The following RFC3 variants were observed in gnomAD, a reference collection of about 807,000 sequenced individuals.
RFC3 encodes replication factor C subunit 3, also known as A1 38 kDa subunit.
A neutral mutation model predicts 45.1 loss-of-function variants in RFC3; 41 were observed. The observed-to-expected ratio is 0.91, with a 90% confidence interval of 0.71 to 1.18. The LOEUF (loss-of-function observed/expected upper bound fraction) is 1.18. RFC3 is among the 50% of genes most tolerant of loss of function. The pLI is 0.00. For synonymous variants in RFC3, 149 were observed against 144.0 expected, an observed-to-expected ratio of 1.03 and a Z score of -0.25; for missense variants, 423 against 428.1, an observed-to-expected ratio of 0.99 and a Z score of 0.10.
chr13:33,844,254 C>T (rs2082221665), intron 8 of RFC3, among the ~76,000 whole-genome samples: 1 of 152,156 alleles, frequency 6.6e-6, no homozygotes. Flanking sequence ...TCCAATAAGA[C>T]AGTAAAGTTT....
At chr13:33,863,812 G>C (rs910041209) in intron 8 of RFC3, among the ~76,000 whole-genome samples, 5 of 152,146 alleles carry the variant, frequency 3.3e-5, no homozygotes, top group Non-Finnish European at 7.4e-5. Context: ...CCAATTTTCA[G>C]AGTTCTACTG....
At chr13:33,977,054 C>A in the RFC3 span, among the ~76,000 whole-genome samples, 1 of 152,094 alleles carries the variant, frequency 6.6e-6, no homozygotes, top group Admixed American at 6.6e-5. Context: ...GAAAAAAAAT[C>A]ACACATCCCA....
chr13:33,830,891 G>A (rs2082096330), intron 6 of RFC3, 36 bp downstream of exon 6: 1 of 1,577,558 alleles, frequency 6.3e-7, no homozygotes, highest in Admixed American at 1.8e-5. Context: ...TAGGACTTTG[G>A]CCCCCAAGCT....
chr13:33,900,603 ACT>A (rs1327012842), intron 8 of RFC3, among the ~76,000 whole-genome samples: 1 of 151,840 alleles, frequency 6.6e-6, no homozygotes, highest in African/African-American at 2.4e-5. Context: ...CTGGGGAAAC[ACT>A]CTAAGACATT....
At position 33,894,814 on chromosome 13, in the gene RFC3, A is replaced by G. The variant is rs2082586755; in HGVS notation, c.879+59597A>G. On this transcript the variant is annotated intron_variant, in intron 8 of 8. Coordinates refer to the RFC3 transcript ENST00000434425. ...TTACTGCTATAAAAATGAGACATAG[A>G]CCAATGGAATAGAATAGAGAACCAA... is the stretch of plus-strand genomic sequence containing the variant. 4.6e-5 allele frequency among the ~76,000 whole-genome samples: 7 copies of G among 152,184 alleles called. No individual in the cohort carries two copies. The South Asian group carries it at 1.5e-3, about 32-fold the overall frequency.
intron 8 of RFC3, among the ~76,000 whole-genome samples, chr13:33,941,236 T>G (rs181203259): frequency 1.3e-5 from 2 of 149,212 alleles, no homozygotes; most frequent in Admixed American, 1.3e-4. Context: ...CCTGAGAGAT[T>G]TTTTTTTTTT....
At chr13:33,925,734 A>T (rs1016947699) in intron 8 of RFC3, among the ~76,000 whole-genome samples, 3 of 151,636 alleles carry the variant, frequency 2.0e-5, no homozygotes, top group Non-Finnish European at 2.9e-5. Context: ...TATGTATGTC[A>T]GTAGGGTGGA....
intron 8 of RFC3, among the ~76,000 whole-genome samples, chr13:33,909,345 T>A (rs2082690700): frequency 6.6e-6 from 1 of 152,004 alleles, no homozygotes; most frequent in Middle Eastern, 3.2e-3. Flanking sequence ...CCTCCTGTTC[T>A]TAGACACGGG....
chr13:33,853,939 T>G (rs1281411257), intron 8 of RFC3, among the ~76,000 whole-genome samples: 1 of 152,176 alleles, frequency 6.6e-6, no homozygotes, highest in African/African-American at 2.4e-5. Context: ...ATTCAAAGCA[T>G]TTCTTACGTG....
intron 7 of RFC3, among the ~76,000 whole-genome samples, chr13:33,832,342 C>T (rs1016758995): frequency 6.6e-6 from 1 of 152,108 alleles, no homozygotes; most frequent in Non-Finnish European, 1.5e-5. Flanking sequence ...AGACTGCAGC[C>T]AATAGAGCTT....
chr13:33,862,638 G>A (rs1744235757), intron 8 of RFC3, among the ~76,000 whole-genome samples: 1 of 152,000 alleles, frequency 6.6e-6, no homozygotes, highest in African/African-American at 2.4e-5. Context: ...TAATATGTAT[G>A]TATTACATAT....
At chr13:33,876,647 T>C (rs2082448942) in intron 8 of RFC3, among the ~76,000 whole-genome samples, 1 of 152,228 alleles carries the variant, frequency 6.6e-6, no homozygotes, top group Non-Finnish European at 1.5e-5. Flanking sequence ...TTTTAGAATT[T>C]CTAACACATG....
intron 1 of RFC3, 95 bp downstream of exon 1, chr13:33,818,360 T>G: frequency 1.1e-6 from 1 of 949,918 alleles, no homozygotes; most frequent in South Asian, 1.4e-5. Flanking sequence ...CCGCCCGCAT[T>G]GGAAGGTGAT....
chr13:33,865,547 A>G (rs2082367833), intron 8 of RFC3, among the ~76,000 whole-genome samples: 1 of 152,230 alleles, frequency 6.6e-6, no homozygotes. Flanking sequence ...AGGAAGCTCT[A>G]CCAAGGAGGG....
downstream of RFC3, among the ~76,000 whole-genome samples, chr13:33,969,892 C>A (rs1295119288): frequency 6.8e-6 from 1 of 148,114 alleles, no homozygotes; most frequent in Non-Finnish European, 1.5e-5. Flanking sequence ...TATTAAGTGG[C>A]TATTTATTGT....
chr13:33,892,646 C>A (rs1289760218), intron 8 of RFC3, among the ~76,000 whole-genome samples: 1 of 152,158 alleles, frequency 6.6e-6, no homozygotes, highest in Non-Finnish European at 1.5e-5. Flanking sequence ...ATCACACTTT[C>A]ACTTATGAAC....
chr13:33,882,495 A>G (rs529870835), intron 8 of RFC3, among the ~76,000 whole-genome samples: 1 of 152,262 alleles, frequency 6.6e-6, no homozygotes, highest in East Asian at 1.9e-4. Flanking sequence ...AGCCCTCATG[A>G]TGGGATTAGT....
At position 33,836,535 on chromosome 13, in the gene RFC3, A is replaced by G. The variant is rs956391246; in HGVS notation, c.*240A>G. On this transcript the variant is annotated 3_prime_UTR_variant, in exon 9 of 9. Transcript: ENST00000380071. Reference sequence around the variant, plus strand: ...GAGTCTAAGAAAATGATCTTAATTTACTTTAAGCATTGGTTATTCAAGTAT... The same window carrying G: ...GAGTCTAAGAAAATGATCTTAATTTGCTTTAAGCATTGGTTATTCAAGTAT... 5.0e-6 allele frequency: 6 copies of G among 1,208,012 alleles called. No individual in the cohort carries two copies. In the Admixed American group the frequency reaches 1.5e-4, roughly 31 times the overall value. 74.8% of individuals were successfully genotyped at this position (1,208,012 alleles called of 1,614,324 possible). A position where few individuals can be genotyped will look rare whatever the true frequency, so the allele number is the denominator to read the frequency against.
downstream of RFC3, among the ~76,000 whole-genome samples, chr13:33,838,619 T>C (rs1593625843): frequency 6.6e-6 from 1 of 152,150 alleles, no homozygotes; most frequent in Non-Finnish European, 1.5e-5. Context: ...TATGTCTACA[T>C]GTAGTTTTCT....
Sources: gnomAD v4.1 joint callset for allele counts (sites outside exome capture counted in the v4.1 genomes callset) on GRCh38, gnomAD v4.1.1 for gene constraint, MANE v1.5 for transcripts, NCBI Gene and HGNC (gene_info 2026-07-23, HGNC 2026-07-21) for gene names.